CSMD2: variants seen among roughly 807,000 people sequenced by gnomAD.
CSMD2 encodes the protein CUB and sushi domain-containing protein 2.
Under a neutral mutation model 398.5 loss-of-function variants are expected in CSMD2, and 130 were observed. The observed-to-expected ratio is 0.33, with a 90% CI of 0.28 to 0.38. The LOEUF is 0.38. CSMD2 is among the 10% of genes least tolerant of loss of function. CSMD2 has a pLI of 1.00. For missense variants in CSMD2, 3,829 were observed against 4,764.9 expected (o/e 0.80, Z 5.78); for synonymous variants, 1,828 against 1,908.5 (o/e 0.96, Z 1.10).
chr1:33,542,966 C>T (rs1656502602), intron 57 of CSMD2, 70 bp from the exon 58 acceptor site: 1 of 1,379,812 alleles, frequency 7.2e-7, no homozygotes, highest in Non-Finnish European at 1.0e-6. Flanking sequence ...TGATAACTGC[C>T]CAGAGTGGAA....
chr1:33,826,072 C>A (rs529861794), intron 6 of CSMD2, among the ~76,000 whole-genome samples: 2 of 152,318 alleles, frequency 1.3e-5, no homozygotes, highest in East Asian at 3.9e-4. Flanking sequence ...TCTGAGATTT[C>A]ACCAGACCTA....
intron 12 of CSMD2, among the ~76,000 whole-genome samples, chr1:33,787,761 G>C (rs522206): frequency 0.01 from 1,575 of 152,216 alleles, 31 homozygotes; most frequent in African/African-American, 0.036. Flanking sequence ...AGCTGTTATT[G>C]GCCAAAGGGG....
intron 41 of CSMD2, 53 bp from the exon 42 acceptor site, chr1:33,605,523 G>C: frequency 2.5e-6 from 4 of 1,573,436 alleles, no homozygotes; most frequent in Non-Finnish European, 3.5e-6. Context: ...CAGAAAATAG[G>C]AGCGGCAGAA....
chr1:33,772,991 G>A (rs908901423), intron 12 of CSMD2, among the ~76,000 whole-genome samples: 2 of 152,170 alleles, frequency 1.3e-5, no homozygotes, highest in African/African-American at 4.8e-5. Flanking sequence ...GAGACTCTGT[G>A]TCCACATAAA....
At chr1:34,082,147 G>A (rs143145383) in intron 2 of CSMD2, among the ~76,000 whole-genome samples, 5,887 of 149,720 alleles carry the variant, frequency 0.039, 348 homozygotes, top group African/African-American at 0.14. Context: ...GGGATGTGAG[G>A]AGCACCTCTG....
At chr1:34,099,000 A>G (rs913259389) in intron 1 of CSMD2, among the ~76,000 whole-genome samples, 4 of 152,206 alleles carry the variant, frequency 2.6e-5, no homozygotes, top group African/African-American at 9.6e-5. Flanking sequence ...ACTTAGGGGG[A>G]AAAGTACTAT....
At chr1:33,541,073 C>T in intron 59 of CSMD2, 57 bp downstream of exon 59, 2 of 1,553,846 alleles carry the variant, frequency 1.3e-6, no homozygotes, top group Admixed American at 1.7e-5. Flanking sequence ...TCAGGGCCTA[C>T]ATCTCACTTT....
chr1:33,784,398 G>A (rs550309102), intron 12 of CSMD2, among the ~76,000 whole-genome samples: 1 of 152,276 alleles, frequency 6.6e-6, no homozygotes, highest in Admixed American at 6.5e-5. Flanking sequence ...CACCAGGAGG[G>A]TGTGAGAATG....
chr1:33,899,483 G>A (rs529436817), intron 5 of CSMD2, among the ~76,000 whole-genome samples: 1 of 152,290 alleles, frequency 6.6e-6, no homozygotes, highest in South Asian at 2.1e-4. Context: ...ACTGAGTCTC[G>A]GGTTCTCAGA....
At chr1:34,080,948 AAGAAAGAAAGAAAGAAAGAAAGAAAG>A (rs1657010804) in intron 2 of CSMD2, among the ~76,000 whole-genome samples, 1 of 127,910 alleles carries the variant, frequency 7.8e-6, no homozygotes, top group Admixed American at 7.1e-5. Flanking sequence ...GAAAGAAAGA[AAGAAAGAAAGAAAGAAAGAAAGAAAG>A]AAATGCACAG....
chr1:34,025,059 A>T (rs1172268971), intron 3 of CSMD2, among the ~76,000 whole-genome samples: 1 of 151,908 alleles, frequency 6.6e-6, no homozygotes, highest in Non-Finnish European at 1.5e-5. Context: ...CCCTACTCCC[A>T]CCTCCAAACA....
chr1:33,530,583 C>G (rs1655147215), intron 64 of CSMD2, among the ~76,000 whole-genome samples: 1 of 152,114 alleles, frequency 6.6e-6, no homozygotes, highest in African/African-American at 2.4e-5. Context: ...ACAGCAATAC[C>G]ATTATGGAGT....
chr1:33,572,349 C>T (rs565628513), intron 50 of CSMD2, among the ~76,000 whole-genome samples, 157 bp downstream of exon 50: 2 of 151,922 alleles, frequency 1.3e-5, no homozygotes, highest in African/African-American at 4.8e-5. Flanking sequence ...GCAGTTTCAG[C>T]ACCTGCCTCC....
chr1:33,519,546 G>A lies in CSMD2; in HGVS notation c.10868C>T (p.Thr3623Ile). Reference sequence around the variant, plus strand: ...TACTGCTGTGCACACTGTGCTGACTGTGAACTCCGCCTCGCTGGCCATGAT... The same window carrying A: ...TACTGCTGTGCACACTGTGCTGACTATGAACTCCGCCTCGCTGGCCATGAT... Reference protein sequence around the residue: ...TDIMASEAEFTVSTVCTAV With the variant: ...TDIMASEAEFIVSTVCTAV Residue 3623 changes from threonine to isoleucine, a missense_variant, in exon 70 of 71, where the codon ACA becomes ATA. Thr to Ile is a moderately conservative substitution (Grantham distance 89, BLOSUM62 -1). Transcript: ENST00000373381. This position sits in a 1 kb window ranked among gnomAD's most constrained non-coding sequence, Gnocchi z 5.6. 1 of 1,614,068 alleles carries A rather than the reference G, an allele frequency of 6.2e-7. No homozygotes were observed. Among genetic ancestry groups the A allele is most frequent in the Non-Finnish European group, 8.5e-7 (1 of 1,180,028 alleles).
At chr1:33,679,199 G>GTTT (rs58284803) in intron 25 of CSMD2, among the ~76,000 whole-genome samples, 8 of 84,198 alleles carry the variant, frequency 9.5e-5, no homozygotes, top group African/African-American at 8.5e-5. Context: ...AATTGCAGTT[G>GTTT]TTTTTTTTTT....
chr1:33,817,484 G>A (rs1400870437), intron 9 of CSMD2, among the ~76,000 whole-genome samples: 2 of 152,098 alleles, frequency 1.3e-5, no homozygotes, highest in Admixed American at 1.3e-4. Flanking sequence ...GCTAAAAGGT[G>A]TCAGAGTTGT....
chr1:33,923,688 T>C (rs1038670460), intron 4 of CSMD2, among the ~76,000 whole-genome samples: 1 of 152,230 alleles, frequency 6.6e-6, no homozygotes, highest in Non-Finnish European at 1.5e-5. Flanking sequence ...ATTGTTGTTT[T>C]AACTATAGTC....
At chr1:33,813,143 T>C (rs1657048161) in intron 9 of CSMD2, 1 of 152,200 alleles carries the variant, frequency 6.6e-6, no homozygotes, top group Admixed American at 6.5e-5. Flanking sequence ...TTGTACTTGT[T>C]TCCAAGAATT....
rs74068689 is a variant in CSMD2 at position 33,987,180 on chromosome 1, C to T, written c.517+45414G>A. On this transcript the variant is annotated intron_variant, in intron 3 of 70. Transcript: ENST00000373381. ...ACAGGCCTGCATTCAAGTCCTTGTT[C>T]TTCCACTACCTAATTCCATAACCTT... 5.8e-3 allele frequency among the ~76,000 whole-genome samples: 877 copies of T among 152,216 alleles called. 6 individuals carry two copies. Among genetic ancestry groups the T allele is most frequent in the African/African-American group, 0.02 (830 of 41,524 alleles).
Sources: allele counts gnomAD v4.1 joint callset (sites outside exome capture counted in the v4.1 genomes callset), GRCh38; gene constraint gnomAD v4.1.1; non-coding constraint Gnocchi (gnomAD v3.1); transcripts MANE v1.5; gene names NCBI Gene and HGNC (gene_info 2026-07-23, HGNC 2026-07-21).